The following FMN1 variants were observed in gnomAD, a reference collection of about 807,000 sequenced individuals.
FMN1 encodes formin 1.
A neutral mutation model predicts 132.4 loss-of-function variants in FMN1; 110 were observed. The ratio of observed to expected loss-of-function variants is 0.83; its 90% CI spans 0.71 to 0.97. The LOEUF is 0.97. FMN1 is among the 50% of genes least tolerant of loss of function. The probability of loss-of-function intolerance (pLI) is 0.00; values close to 1 mark genes in which losing one functional copy is unlikely to be tolerated. For missense variants in FMN1, 1,792 were observed against 1,705.3 expected (o/e 1.05, Z -0.90); for synonymous variants, 722 against 651.7 (o/e 1.11, Z -1.64).
intron 16 of FMN1, among the ~76,000 whole-genome samples, chr15:32,873,915 C>T (rs187950199): frequency 1.3e-4 from 20 of 151,928 alleles, no homozygotes; most frequent in South Asian, 2.1e-4. Context: ...TCAGCAAAAC[C>T]GCTCCATCAT....
intron 7 of FMN1, among the ~76,000 whole-genome samples, chr15:32,997,272 G>C (rs1051378187): frequency 9.9e-5 from 15 of 150,870 alleles, no homozygotes; most frequent in African/African-American, 3.7e-4. Flanking sequence ...TGAAATAAAA[G>C]AACTCTATTG....
intron 17 of FMN1, among the ~76,000 whole-genome samples, chr15:32,840,058 C>T (rs1035635642): frequency 1.3e-5 from 2 of 152,194 alleles, no homozygotes; most frequent in Non-Finnish European, 2.9e-5. Flanking sequence ...GAATCCTCCC[C>T]GGGAGGAGAG....
chr15:33,145,224 C>T (rs1004373206), intron 4 of FMN1, among the ~76,000 whole-genome samples: 2 of 152,006 alleles, frequency 1.3e-5, no homozygotes, highest in Non-Finnish European at 2.9e-5. Context: ...ACCAGGGCTG[C>T]TGTAGTCAAA....
At chr15:33,041,491 GA>G (rs2036437694) in intron 6 of FMN1, among the ~76,000 whole-genome samples, 1 of 142,636 alleles carries the variant, frequency 7.0e-6, no homozygotes, top group African/African-American at 2.6e-5. Flanking sequence ...AAAAAGACTG[GA>G]AAAAAATAGT....
intron 6 of FMN1, among the ~76,000 whole-genome samples, chr15:33,050,759 A>G (rs1325210019): frequency 6.6e-6 from 1 of 152,260 alleles, no homozygotes; most frequent in Non-Finnish European, 1.5e-5. Context: ...CAAATATACA[A>G]GAATTTAATG....
chr15:32,865,469 G>C (rs974530502), intron 16 of FMN1, among the ~76,000 whole-genome samples: 1 of 152,200 alleles, frequency 6.6e-6, no homozygotes. Flanking sequence ...TGGGAAATGA[G>C]TTTGAGATGC....
intron 5 of FMN1, chr15:33,067,130 C>G: frequency 1.2e-6 from 2 of 1,613,978 alleles, no homozygotes; most frequent in East Asian, 2.2e-5. Context: ...GATACCAACA[C>G]TCGAATTCTG....
chr15:32,848,698 C>G (rs527923102), intron 17 of FMN1, among the ~76,000 whole-genome samples: 124 of 152,152 alleles, frequency 8.1e-4, no homozygotes, highest in African/African-American at 2.7e-3. Context: ...ATGTGAAGTG[C>G]GAAGTACTAT....
At chr15:32,962,152 C>T (rs2140580309) in intron 9 of FMN1, among the ~76,000 whole-genome samples, 1 of 151,706 alleles carries the variant, frequency 6.6e-6, no homozygotes, top group East Asian at 1.9e-4. Context: ...TTTTTGCCCT[C>T]AACACATACC....
At chr15:32,986,889 G>A (rs368642023) in intron 7 of FMN1, among the ~76,000 whole-genome samples, 38 of 152,106 alleles carry the variant, frequency 2.5e-4, no homozygotes, top group African/African-American at 8.7e-4. Context: ...ACGTATTTCA[G>A]GTTTTCTCTA....
At chr15:32,815,011 C>T (rs941194612) in intron 17 of FMN1, among the ~76,000 whole-genome samples, 7 of 152,166 alleles carry the variant, frequency 4.6e-5, no homozygotes, top group African/African-American at 7.2e-5. Flanking sequence ...GGTGCGATCT[C>T]GGCTCACTGC....
At chr15:32,878,634 C>CTTAAACAATCCCTTGTTTA (rs2059692450) in intron 16 of FMN1, among the ~76,000 whole-genome samples, 1 of 152,062 alleles carries the variant, frequency 6.6e-6, no homozygotes, top group Non-Finnish European at 1.5e-5. Flanking sequence ...TGTGGGATCC[C>CTTAAACAATCCCTTGTTTA]AGTAAATCCT....
At chr15:33,110,110 C>T (rs746665851) in intron 4 of FMN1, among the ~76,000 whole-genome samples, 6 of 152,002 alleles carry the variant, frequency 3.9e-5, no homozygotes, top group Non-Finnish European at 7.4e-5. Context: ...AATTGTCATA[C>T]TTTTGACAAT....
chr15:33,101,238 G>A (rs1407446975), intron 4 of FMN1, among the ~76,000 whole-genome samples: 1 of 152,152 alleles, frequency 6.6e-6, no homozygotes, highest in East Asian at 1.9e-4. Context: ...CTGACTATCT[G>A]CCAATGATGT....
chr15:32,889,177 A>AG (rs2059966258), intron 15 of FMN1, among the ~76,000 whole-genome samples: 1 of 152,212 alleles, frequency 6.6e-6, no homozygotes, highest in Non-Finnish European at 1.5e-5. Flanking sequence ...TAGGAGACCG[A>AG]GGGCAGGGTG....
At chr15:32,814,819 A>T (rs868289127) in intron 17 of FMN1, among the ~76,000 whole-genome samples, 14 of 152,198 alleles carry the variant, frequency 9.2e-5, no homozygotes, top group African/African-American at 3.1e-4. Flanking sequence ...GAGACTATAA[A>T]CCTAGTATTT....
Position 32,856,961 on chromosome 15 carries a change from G to T in FMN1, c.3928+54C>A, listed in dbSNP as rs1037154817. The stretch of plus-strand genomic sequence containing the variant: ...CCGTGGGCCTCAGAGAAAGATTCAT[G>T]GAATGAAGGATGTTTCAGGGCCACG... On this transcript the variant is annotated intron_variant, in intron 17 of 20. Coordinates refer to ENST00000616417, the MANE Select transcript of FMN1 (RefSeq NM_001277313.2). The T allele has an allele frequency of 2.3e-6, 3 of 1,288,528 alleles. No homozygotes were observed. The African/African-American group carries it at 4.4e-5, about 19-fold the overall frequency. 79.8% of individuals were successfully genotyped at this position (1,288,528 alleles called of 1,614,324 possible).
At position 33,059,825 on chromosome 15, in the gene FMN1, C is replaced by A. The variant is rs116565690; in HGVS notation, c.2161+5132G>T. Among the ~76,000 whole-genome samples the A allele has an allele frequency of 6.9e-3, 1,055 of 152,288 alleles. 15 individuals carry two copies. Among genetic ancestry groups the A allele is most frequent in the African/African-American group, 0.024 (1,015 of 41,560 alleles). On this transcript the variant is annotated intron_variant, in intron 6 of 20. Coordinates refer to ENST00000616417, the MANE Select transcript of FMN1 (RefSeq NM_001277313.2). ...TGAGACTCTATATTTTAATCTCTTGCTTCTACTCTCCTGAGCCAAAGATCT... is the reference window on the plus strand; with the variant it reads ...TGAGACTCTATATTTTAATCTCTTGATTCTACTCTCCTGAGCCAAAGATCT...
intron 5 of FMN1, among the ~76,000 whole-genome samples, chr15:33,085,900 A>G (rs1175797790): frequency 6.6e-6 from 1 of 152,224 alleles, no homozygotes; most frequent in African/African-American, 2.4e-5. Context: ...CACTTAAAAC[A>G]CATCTGTAAC....
Sources: allele counts gnomAD v4.1 joint callset (sites outside exome capture counted in the v4.1 genomes callset), GRCh38; gene constraint gnomAD v4.1.1; transcripts MANE v1.5; gene names NCBI Gene and HGNC (gene_info 2026-07-23, HGNC 2026-07-21).